Variants in C11orf21 observed in about 807,000 individuals in gnomAD.
C11orf21 encodes the protein chromosome 11 open reading frame 21, also known as uncharacterized protein C11orf21.
Under a neutral mutation model 15.2 loss-of-function variants are expected in C11orf21, and 19 were observed. The observed-to-expected ratio is 1.25, with a 90% CI of 0.87 to 1.84. C11orf21 has a LOEUF of 1.84. Ranked by LOEUF, C11orf21 falls within the 40% of genes most tolerant of loss-of-function variation. The pLI, the probability that C11orf21 is intolerant of heterozygous loss-of-function variation, is 0.00. For missense variants in C11orf21, 171 were observed against 174.4 expected, an observed-to-expected ratio of 0.98 and a Z score of 0.11; for synonymous variants, 62 against 66.8, an observed-to-expected ratio of 0.93 and a Z score of 0.35.
At position 2,300,633 on chromosome 11, in the gene C11orf21, A is replaced by G. The variant is rs1303761344; in HGVS notation, c.54-20T>C. On this transcript the variant is annotated intron_variant, in intron 1 of 3. Transcript: ENST00000381153. ...ACAGCGCTGGTGTGAGAAGGAGGCCATCAGGACAGGTCAAGAACCCAGGCC... is the reference window on the plus strand; with the variant it reads ...ACAGCGCTGGTGTGAGAAGGAGGCCGTCAGGACAGGTCAAGAACCCAGGCC... 6.4e-7 allele frequency: 1 copy of G among 1,550,726 alleles called. No homozygotes were observed. The highest frequency in any genetic ancestry group is 2.0e-5 in the Admixed American group (1 of 50,976).
Position 2,300,601 on chromosome 11 carries a change from C to T in C11orf21, c.66G>A (p.Arg22=), listed in dbSNP as rs1847692773. 1 of 1,550,248 alleles carries T rather than the reference C, an allele frequency of 6.5e-7. No homozygotes were observed. The highest frequency in any genetic ancestry group is 8.7e-7 in the Non-Finnish European group (1 of 1,146,778). The stretch of plus-strand genomic sequence containing the variant: ...CACTTTGAGATGACAAGTGAGGCCA[C>T]CTGGGCACAGCGCTGGTGTGAGAAG... ...RRPGRRSAVP[R]WPHLSSQSGV... is the part of the protein sequence containing the mutation. Residue 22 remains arginine, a synonymous_variant, in exon 2 of 4, where the codon AGG becomes AGA. Transcript: ENST00000381153.
At chr11:2,301,457 T>C (rs965521045) in intron 1 of C11orf21, 1 of 317,350 alleles carries the variant, frequency 3.2e-6, no homozygotes, top group Non-Finnish European at 5.9e-6. Flanking sequence ...CTCGGTGTAA[T>C]TGCAAATTCG....
upstream of C11orf21, chr11:2,302,331 C>G (rs1429027879): frequency 1.8e-6 from 2 of 1,142,512 alleles, no homozygotes; most frequent in Non-Finnish European, 2.3e-6. Context: ...GCCCTACTGT[C>G]CCTGTCCTGC....
chr11:2,300,773 G>C (rs1847703028), intron 1 of C11orf21, 160 bp from the exon 2 acceptor site: 3 of 1,550,474 alleles, frequency 1.9e-6, no homozygotes, highest in Non-Finnish European at 2.6e-6. Context: ...ACAATTCTAG[G>C]GGCGAACCAG....
rs1847597639 is a variant in C11orf21 at position 2,298,872 on chromosome 11, G to C, written c.*28+556C>G. ...CCTGGGTCCCCTCTGCCCTCACTGA[G>C]GGCAGAGCCTAGGCTCCTTGGGGGG... On this transcript the variant is annotated intron_variant, in intron 3 of 3. Transcript: ENST00000381153. 2.0e-5 allele frequency among the ~76,000 whole-genome samples: 3 copies of C among 151,238 alleles called. No individual in the cohort carries two copies. In the South Asian group the frequency reaches 6.3e-4, roughly 32 times the overall value.
Position 2,299,633 on chromosome 11 carries a change from G to T in C11orf21, c.222C>A (p.Thr74=). The T allele has an allele frequency of 3.9e-6, 6 of 1,551,160 alleles. No homozygotes were observed. Among genetic ancestry groups the T allele is most frequent in the Non-Finnish European group, 5.2e-6 (6 of 1,146,958 alleles). Residue 74 remains threonine (T), a synonymous_variant, in exon 3 of 4, where the codon ACC becomes ACA. Transcript: ENST00000381153. The part of the protein sequence containing the change: ...SAHGALVPPA[T]AHEPVDHPAL... ...CTGGGTGATCCACAGGTTCATGAGC[G>T]GTGGCAGGTGGAACAAGGGCACCAT...
intron 2 of C11orf21, among the ~76,000 whole-genome samples, chr11:2,300,313 C>T (rs577681698): frequency 4.1e-5 from 1 of 24,690 alleles, no homozygotes; most frequent in Non-Finnish European, 7.3e-5. Flanking sequence ...GGGTGGGCAG[C>T]GGTGTGCGGG....
At chr11:2,300,117 C>G (rs1430827930) in intron 2 of C11orf21, among the ~76,000 whole-genome samples, 2 of 44,458 alleles carry the variant, frequency 4.5e-5, no homozygotes, top group Admixed American at 2.8e-4. Flanking sequence ...TGAGGGTGGG[C>G]AGGGGTGTGT....
chr11:2,302,974 GC>G, upstream of C11orf21: 3 of 1,606,816 alleles, frequency 1.9e-6, no homozygotes, highest in Non-Finnish European at 2.6e-6. Flanking sequence ...TGAGGTCCAG[GC>G]CTGGCTGCAT....
upstream of C11orf21, chr11:2,302,948 G>A (rs1294607555): frequency 9.9e-6 from 16 of 1,613,426 alleles, no homozygotes; most frequent in Admixed American, 6.7e-5. Context: ...ACCAGGCTGT[G>A]CACCAATGGG....
intron 1 of C11orf21, chr11:2,301,042 G>A (rs1454678999): frequency 4.0e-5 from 19 of 474,100 alleles, no homozygotes; most frequent in Non-Finnish European, 5.7e-5. Context: ...GCTGCCTGGG[G>A]GTGCTGGGCT....
chr11:2,300,112 G>T (rs1463631539), intron 2 of C11orf21, among the ~76,000 whole-genome samples: 2 of 82,910 alleles, frequency 2.4e-5, no homozygotes, highest in Non-Finnish European at 2.5e-5. Flanking sequence ...GTTTGTGAGG[G>T]TGGGCAGGGG....
In C11orf21 at chr11:2,299,552, C is replaced by T. The variant is rs1486170072; in HGVS notation, c.303G>A (p.Leu101=). 1.3e-6 allele frequency: 2 copies of T among 1,550,764 alleles called. No individual in the cohort carries two copies. The highest frequency in any genetic ancestry group is 1.2e-5 in the South Asian group (1 of 84,068). The stretch of plus-strand genomic sequence containing the variant: ...CCAAGTCCCATCCCAGCCGGATAGC[C>T]AGGGGCAACTGCCCAGGTAAACTGA... The part of the protein sequence containing the change: ...CCLSLPGQLP[L]AIRLGWDLDL... Residue 101 remains leucine (L), a synonymous_variant, in exon 3 of 4, where the codon CTG becomes CTA. Coordinates refer to ENST00000381153, the MANE Select transcript of C11orf21 (RefSeq NM_001329958.2).
At chr11:2,302,937 T>C, upstream of C11orf21, 16 of 1,613,536 alleles carry the variant, frequency 9.9e-6, no homozygotes, top group Non-Finnish European at 1.4e-5. Context: ...GAAGAACCCG[T>C]ACCAGGCTGT....
At position 2,299,726 on chromosome 11, in the gene C11orf21, G is replaced by C; in HGVS notation, c.148-19C>G. The C allele has an allele frequency of 6.5e-7, 1 of 1,549,532 alleles. No individual in the cohort carries two copies. The highest frequency in any genetic ancestry group is 8.7e-7 in the Non-Finnish European group (1 of 1,145,800). ...GGGCCTCCTGGTGGGTAAGGACATTGTAGAGTGAGCGGGCGCACCTGGGAC... is the reference window on the plus strand; with the variant it reads ...GGGCCTCCTGGTGGGTAAGGACATTCTAGAGTGAGCGGGCGCACCTGGGAC... On this transcript the variant is annotated intron_variant, in intron 2 of 3. Transcript: ENST00000381153.
At chr11:2,298,038 C>A (rs1387208880) in intron 3 of C11orf21, 117 bp from the exon 4 acceptor site, 1 of 152,240 alleles carries the variant, frequency 6.6e-6, no homozygotes, top group Non-Finnish European at 1.5e-5. Flanking sequence ...CCCTAATTAC[C>A]TCCCAGAGAT....
rs1847537541 is a variant in C11orf21 at position 2,296,880 on chromosome 11, C to G, written c.*1070G>C. 1 of 152,406 alleles carries G rather than the reference C, an allele frequency of 6.6e-6. No individual in the cohort carries two copies. The highest frequency in any genetic ancestry group is 1.5e-5 in the Non-Finnish European group (1 of 68,154). The allele number at this position is 152,406 out of a possible 1,614,324, so 9.4% of individuals were successfully genotyped here. ...CCTGACCAGCTCACTCTTATTTTGT[C>G]TGCCCTGGCCCTGATGCTGGTGTTT... On this transcript the variant is annotated 3_prime_UTR_variant, in exon 4 of 4. Coordinates refer to ENST00000381153, the MANE Select transcript of C11orf21 (RefSeq NM_001329958.2). This position sits in a 1 kb window ranked among gnomAD's most constrained non-coding sequence, Gnocchi z 5.6.
chr11:2,301,671 C>T, intron 1 of C11orf21, 85 bp downstream of exon 1: 1 of 1,118,442 alleles, frequency 8.9e-7, no homozygotes. Context: ...AATGATGTTC[C>T]AAGGAGACCC....
At chr11:2,302,586 C>T, upstream of C11orf21, 1 of 559,736 alleles carries the variant, frequency 1.8e-6, no homozygotes, top group Non-Finnish European at 3.2e-6. Context: ...ACACAATGAT[C>T]AGAGGTCCTG....
Sources: allele counts gnomAD v4.1 joint callset (sites outside exome capture counted in the v4.1 genomes callset), GRCh38; gene constraint gnomAD v4.1.1; non-coding constraint Gnocchi (gnomAD v3.1); transcripts MANE v1.5; gene names NCBI Gene and HGNC (gene_info 2026-07-23, HGNC 2026-07-21).